ROR1: variants seen among roughly 807,000 people sequenced by gnomAD.
ROR1 encodes ROR family WNT receptor 1.
ROR1 carries 19 observed loss-of-function variants against 78.8 expected under a neutral mutation model. The ratio of observed to expected loss-of-function variants is 0.24; its 90% CI spans 0.17 to 0.35. The LOEUF (loss-of-function observed/expected upper bound fraction) is 0.35, where lower values mean the gene tolerates loss of function less well. ROR1 is among the 10% of genes least tolerant of loss of function. The pLI, the probability that ROR1 is intolerant of heterozygous loss-of-function variation, is 1.00. For synonymous variants in ROR1, 386 were observed against 433.6 expected (o/e 0.89, Z 1.36); for missense variants, 917 against 1,177.8 (o/e 0.78, Z 3.24).
intron 1 of ROR1, among the ~76,000 whole-genome samples, chr1:63,989,548 A>G (rs1646278444): frequency 6.6e-6 from 1 of 152,144 alleles, no homozygotes; most frequent in Admixed American, 6.5e-5. Context: ...AGTTGCCTTT[A>G]ATTCATCATT....
chr1:63,893,638 T>C (rs1389663444), intron 1 of ROR1, among the ~76,000 whole-genome samples: 1 of 152,152 alleles, frequency 6.6e-6, no homozygotes, highest in African/African-American at 2.4e-5. Flanking sequence ...CTGGTTGCCT[T>C]TGCTACATTT....
chr1:63,839,111 G>T (rs1645034673), intron 1 of ROR1, among the ~76,000 whole-genome samples: 1 of 152,182 alleles, frequency 6.6e-6, no homozygotes, highest in South Asian at 2.1e-4. Flanking sequence ...GTTGTTAAGT[G>T]ACGCATGGCT....
intron 8 of ROR1, among the ~76,000 whole-genome samples, chr1:64,167,623 C>T (rs2100737337): frequency 6.6e-6 from 1 of 152,306 alleles, no homozygotes; most frequent in Admixed American, 6.5e-5. Flanking sequence ...TACCTAAGAA[C>T]CAGTAAAATG....
chr1:64,110,527 C>A (rs1015266132), intron 4 of ROR1: 2 of 152,044 alleles, frequency 1.3e-5, no homozygotes, highest in African/African-American at 4.8e-5. Flanking sequence ...CCATCCTCAT[C>A]TTTCTTCTGC....
chr1:64,032,217 T>C (rs1646666684), intron 2 of ROR1, among the ~76,000 whole-genome samples: 1 of 151,464 alleles, frequency 6.6e-6, no homozygotes, highest in Non-Finnish European at 1.5e-5. Flanking sequence ...GGTGGGTGCC[T>C]GTAGTCCCAG....
intron 1 of ROR1, among the ~76,000 whole-genome samples, chr1:63,992,203 T>TA (rs1257435269): frequency 4.6e-5 from 7 of 150,980 alleles, no homozygotes; most frequent in Admixed American, 4.0e-4. Flanking sequence ...ATTATTATAT[T>TA]TATTTATTTA....
intron 1 of ROR1, among the ~76,000 whole-genome samples, chr1:63,851,882 G>A (rs1429478928): frequency 6.6e-6 from 1 of 152,204 alleles, no homozygotes; most frequent in Admixed American, 6.5e-5. Flanking sequence ...TTTGCTGCTG[G>A]AAAGATCCAG....
chr1:64,119,802 A>T (rs1200141433), intron 4 of ROR1, among the ~76,000 whole-genome samples: 3 of 152,212 alleles, frequency 2.0e-5, no homozygotes. Flanking sequence ...GAAGAAATGG[A>T]TGCTTAAATG....
chr1:63,894,310 G>C (rs1645422707), intron 1 of ROR1, among the ~76,000 whole-genome samples: 1 of 152,170 alleles, frequency 6.6e-6, no homozygotes, highest in Admixed American at 6.5e-5. Flanking sequence ...CATATTTTCA[G>C]ACCATGGTAC....
intron 8 of ROR1, among the ~76,000 whole-genome samples, chr1:64,170,798 A>G (rs1186849353): frequency 2.6e-5 from 4 of 152,136 alleles, no homozygotes; most frequent in Non-Finnish European, 5.9e-5. Flanking sequence ...CATCTCTCTC[A>G]AGTTCAAAGT....
At chr1:63,805,921 A>T (rs2100262056) in intron 1 of ROR1, among the ~76,000 whole-genome samples, 1 of 152,344 alleles carries the variant, frequency 6.6e-6, no homozygotes, top group South Asian at 2.1e-4. Context: ...AGGAAGGCTG[A>T]GGTGGGAAGA....
chr1:64,142,278 A>C, intron 6 of ROR1, 127 bp from the exon 7 acceptor site: 1 of 1,440,218 alleles, frequency 6.9e-7, no homozygotes, highest in Non-Finnish European at 9.3e-7. Context: ...ATGGCCCCTG[A>C]CCAGCAGGGA....
intron 1 of ROR1, among the ~76,000 whole-genome samples, chr1:63,918,188 T>C (rs1645624786): frequency 6.6e-6 from 1 of 152,228 alleles, no homozygotes; most frequent in African/African-American, 2.4e-5. Context: ...GGAATTTATG[T>C]TAGAGATTCA....
intron 2 of ROR1, among the ~76,000 whole-genome samples, chr1:64,011,101 G>A (rs1028735972): frequency 6.6e-6 from 1 of 152,104 alleles, no homozygotes; most frequent in Non-Finnish European, 1.5e-5. Flanking sequence ...ACTTTACTAG[G>A]CACTTTAGGA....
chr1:64,046,780 G>A (rs1646788565), intron 2 of ROR1, among the ~76,000 whole-genome samples: 1 of 152,226 alleles, frequency 6.6e-6, no homozygotes, highest in Non-Finnish European at 1.5e-5. Context: ...GACTGGTGGA[G>A]TGAAAAGATT....
At chr1:63,876,687 T>C (rs1018193166) in intron 1 of ROR1, among the ~76,000 whole-genome samples, 6 of 144,924 alleles carry the variant, frequency 4.1e-5, no homozygotes, top group South Asian at 4.4e-4. Context: ...TGTGTGCGCG[T>C]GTGTGTGTGA....
At chr1:64,166,674 G>A (rs1315485162) in intron 8 of ROR1, among the ~76,000 whole-genome samples, 1 of 152,188 alleles carries the variant, frequency 6.6e-6, no homozygotes, top group African/African-American at 2.4e-5. Flanking sequence ...ATTAACTGGG[G>A]TGAGGACACA....
rs190651823 is a variant in ROR1, at chr1:63,841,167, T to C, written c.91+66659T>C. Among the ~76,000 whole-genome samples, 35 of 152,344 alleles carry C rather than the reference T, an allele frequency of 2.3e-4. 1 individual carries two copies. In the East Asian group the frequency reaches 6.6e-3, roughly 29 times the overall value. On this transcript the variant is annotated intron_variant, in intron 1 of 8. Coordinates refer to ENST00000371079, the MANE Select transcript of ROR1 (RefSeq NM_005012.4). ...CTCATTGCCATTTATGAGGTATGCATTTTCACTGTTTTCTTTTTACAAGTT... is the reference window on the plus strand; with the variant it reads ...CTCATTGCCATTTATGAGGTATGCACTTTCACTGTTTTCTTTTTACAAGTT...
At chr1:64,128,302 A>AC (rs1648787087) in intron 4 of ROR1, among the ~76,000 whole-genome samples, 1 of 150,680 alleles carries the variant, frequency 6.6e-6, no homozygotes, top group African/African-American at 2.4e-5. Context: ...AAAAAAAAAA[A>AC]AAAAAAAAGT....
Sources: gnomAD v4.1 joint callset for allele counts (sites outside exome capture counted in the v4.1 genomes callset) on GRCh38, gnomAD v4.1.1 for gene constraint, MANE v1.5 for transcripts, NCBI Gene and HGNC (gene_info 2026-07-23, HGNC 2026-07-21) for gene names.